TUSC3: variants seen among roughly 807,000 people sequenced by gnomAD.
TUSC3 encodes tumor suppressor candidate 3, also known as dolichyl-diphosphooligosaccharide--protein glycosyltransferase subunit TUSC3.
In TUSC3, 45 loss-of-function variants were observed where a neutral mutation model predicts 44.8. The ratio of observed to expected loss-of-function variants is 1.00; its 90% CI spans 0.79 to 1.29. TUSC3 has a LOEUF of 1.29. Ranked by LOEUF, TUSC3 falls within the 50% of genes most tolerant of loss-of-function variation. The pLI is 0.00. For synonymous variants in TUSC3, 212 were observed against 152.9 expected (o/e 1.39, Z -2.85); for missense variants, 519 against 437.9 (o/e 1.19, Z -1.65).
chr8:15,827,550 C>T, the TUSC3 span, among the ~76,000 whole-genome samples: 2 of 152,038 alleles, frequency 1.3e-5, no homozygotes. Context: ...CTTCAGAAAA[C>T]TCTAAGATGA....
intron 6 of TUSC3, among the ~76,000 whole-genome samples, chr8:15,676,389 A>C (rs1247018046): frequency 6.6e-6 from 1 of 152,106 alleles, no homozygotes; most frequent in Admixed American, 6.6e-5. Flanking sequence ...TCAGGTACAT[A>C]GTTTGTAAAT....
intron 1 of TUSC3, among the ~76,000 whole-genome samples, chr8:15,434,530 CTT>C (rs59579003): frequency 0.012 from 1,584 of 135,596 alleles, 6 homozygotes; most frequent in East Asian, 0.051. Flanking sequence ...AAAGCCATTC[CTT>C]TTTTTTTTTT....
At chr8:15,636,398 C>A (rs1806077651) in intron 2 of TUSC3, among the ~76,000 whole-genome samples, 1 of 152,060 alleles carries the variant, frequency 6.6e-6, no homozygotes, top group Non-Finnish European at 1.5e-5. Context: ...CTTAAATATA[C>A]CATTTCCACA....
intron 2 of TUSC3, among the ~76,000 whole-genome samples, chr8:15,530,802 C>T (rs867525115): frequency 6.6e-6 from 1 of 152,180 alleles, no homozygotes; most frequent in Admixed American, 6.5e-5. Context: ...TTCATCCTCA[C>T]AAGAGTCTTC....
chr8:15,834,906 AC>A, the TUSC3 span, among the ~76,000 whole-genome samples: 1 of 152,278 alleles, frequency 6.6e-6, no homozygotes, highest in Non-Finnish European at 1.5e-5. Context: ...CAGAGAACTG[AC>A]TTTTCATGTG....
chr8:15,770,414 CAG>C (rs1486367466), downstream of TUSC3, among the ~76,000 whole-genome samples: 1 of 151,988 alleles, frequency 6.6e-6, no homozygotes, highest in Non-Finnish European at 1.5e-5. Flanking sequence ...GTCAGGGGAT[CAG>C]GGGCTGGGGA....
At chr8:15,427,317 C>G (rs1409100566) in intron 1 of TUSC3, among the ~76,000 whole-genome samples, 1 of 151,188 alleles carries the variant, frequency 6.6e-6, no homozygotes, top group Non-Finnish European at 1.5e-5. Flanking sequence ...GGCTCCCACA[C>G]ACGCACACAC....
At chr8:15,707,339 G>A (rs558557353) in intron 6 of TUSC3, among the ~76,000 whole-genome samples, 3 of 152,074 alleles carry the variant, frequency 2.0e-5, no homozygotes, top group African/African-American at 7.2e-5. Context: ...ATTGTAATAA[G>A]AGTCACATCA....
intron 2 of TUSC3, among the ~76,000 whole-genome samples, chr8:15,521,722 A>C (rs1487866406): frequency 6.6e-6 from 1 of 152,216 alleles, no homozygotes; most frequent in Non-Finnish European, 1.5e-5. Context: ...ACAAGCTTTC[A>C]TTAGGCCTTC....
At chr8:15,544,004 A>G (rs913294169) in intron 1 of TUSC3, among the ~76,000 whole-genome samples, 2 of 152,090 alleles carry the variant, frequency 1.3e-5, no homozygotes, top group African/African-American at 4.8e-5. Context: ...TTCATTAAAA[A>G]CAATGTTTTG....
At chr8:15,434,113 A>T (rs1291177115) in intron 1 of TUSC3, among the ~76,000 whole-genome samples, 1 of 152,200 alleles carries the variant, frequency 6.6e-6, no homozygotes, top group Admixed American at 6.5e-5. Flanking sequence ...TATCTTTGCT[A>T]ATCCTTAGTA....
At chr8:15,819,042 A>G in the TUSC3 span, among the ~76,000 whole-genome samples, 17 of 151,924 alleles carry the variant, frequency 1.1e-4, no homozygotes, top group Non-Finnish European at 1.8e-4. Context: ...TGGGCAACAG[A>G]GTGAGACCCC....
chr8:15,799,624 C>T, the TUSC3 span, among the ~76,000 whole-genome samples: 1 of 152,198 alleles, frequency 6.6e-6, no homozygotes, highest in Non-Finnish European at 1.5e-5. Context: ...ATTTGGTCAA[C>T]ATATTTACTA....
chr8:15,798,082 T>G, the TUSC3 span, among the ~76,000 whole-genome samples: 3,529 of 152,326 alleles, frequency 0.023, 69 homozygotes, highest in East Asian at 0.084. Flanking sequence ...GCTATTTCTA[T>G]GTCCCACTAG....
chr8:15,529,450 C>G (rs1344506669), intron 2 of TUSC3, among the ~76,000 whole-genome samples: 6 of 152,072 alleles, frequency 3.9e-5, no homozygotes, highest in African/African-American at 1.4e-4. Flanking sequence ...ATTACATAGA[C>G]ATAGCAATTT....
chr8:15,680,111 T>C (rs1482578494), intron 6 of TUSC3, among the ~76,000 whole-genome samples: 1 of 151,664 alleles, frequency 6.6e-6, no homozygotes, highest in Non-Finnish European at 1.5e-5. Flanking sequence ...TTTTTTTTTC[T>C]AGTTCTGTGA....
chr8:15,544,459 G>A lies in TUSC3; in HGVS notation c.138+3891G>A, dbSNP rs538864641. Among the ~76,000 whole-genome samples the A allele has an allele frequency of 5.6e-4, 85 of 151,754 alleles. 1 individual carries two copies. Among genetic ancestry groups the A allele is most frequent in the Non-Finnish European group, 9.3e-4 (63 of 67,834 alleles). On this transcript the variant is annotated intron_variant, in intron 1 of 10. Transcript: ENST00000503731. Reference sequence around the variant, plus strand: ...AGTAGCTAATAGGCCATGATATGTAGGTAATAATGAATATGCAATATGAAA... The same window carrying A: ...AGTAGCTAATAGGCCATGATATGTAAGTAATAATGAATATGCAATATGAAA...
chr8:15,618,916 C>T (rs187864344), intron 1 of TUSC3, among the ~76,000 whole-genome samples: 2 of 152,036 alleles, frequency 1.3e-5, no homozygotes, highest in African/African-American at 4.8e-5. Flanking sequence ...ATGGGACCGT[C>T]TTTGTGTATG....
rs192079706 is a variant in TUSC3, at chr8:15,438,380, G to A, written n.91+21075G>A. On this transcript the variant is annotated intron_variant and non_coding_transcript_variant, in intron 1 of 5. Transcript: ENST00000503191. ...CAAAGTGCTGGGATTACAGGCGTGA[G>A]CCACCGCGCCCAGCCAGGGGTTGTT... is the stretch of plus-strand genomic sequence containing the variant. 3.5e-4 allele frequency among the ~76,000 whole-genome samples: 54 copies of A among 152,338 alleles called. 1 individual carries two copies. In the East Asian group the frequency reaches 9.9e-3, roughly 28 times the overall value.
Sources: allele counts gnomAD v4.1 joint callset (sites outside exome capture counted in the v4.1 genomes callset), GRCh38; gene constraint gnomAD v4.1.1; transcripts MANE v1.5; gene names NCBI Gene and HGNC (gene_info 2026-07-23, HGNC 2026-07-21).